The following MUSK variants were observed in gnomAD, a reference collection of about 807,000 sequenced individuals.
The protein encoded by MUSK is muscle associated receptor tyrosine kinase.
In MUSK, 55 loss-of-function variants were observed where a neutral mutation model predicts 88.7. The observed-to-expected ratio is 0.62, with a 90% confidence interval of 0.50 to 0.78. MUSK has a LOEUF of 0.78. MUSK is among the 30% of genes least tolerant of loss of function. The pLI is 0.00. For synonymous variants in MUSK, 387 were observed against 391.9 expected (o/e 0.99, Z 0.15); for missense variants, 1,015 against 1,074.3 (o/e 0.94, Z 0.77).
At chr9:110,788,612 AC>A in intron 14 of MUSK, among the ~76,000 whole-genome samples, 1 of 151,782 alleles carries the variant, frequency 6.6e-6, no homozygotes, top group South Asian at 2.1e-4. Flanking sequence ...AGCCTGGGTG[AC>A]AGAGTGAGAT....
Position 110,801,383 on chromosome 9 carries a change from T to C in MUSK, c.*395T>C, listed in dbSNP as rs138880303. ...TTCATTTTTTAATTGAGTTAATTCC[T>C]GTCCATTGTGAAAGTAGCTTAATCG... On this transcript the variant is annotated 3_prime_UTR_variant, in exon 15 of 15. Transcript: ENST00000374448. The C allele has an allele frequency of 1.4e-3, 219 of 158,654 alleles. No homozygotes were observed. Among genetic ancestry groups the C allele is most frequent in the African/African-American group, 5.0e-3 (210 of 41,856 alleles). 9.8% of individuals were successfully genotyped at this position (158,654 alleles called of 1,614,324 possible).
At position 110,787,820 on chromosome 9, in the gene MUSK, A is replaced by G; in HGVS notation, c.1909A>G (p.Asn637Asp). Reference protein sequence around the residue: ...AALMAEFDNPNIVKLLGVCAV... With the variant: ...AALMAEFDNPDIVKLLGVCAV... ...CCTCATGGCAGAATTTGACAACCCTAACATTGTGAAGCTATTAGGTATGAA... is the reference window on the plus strand; with the variant it reads ...CCTCATGGCAGAATTTGACAACCCTGACATTGTGAAGCTATTAGGTATGAA... Residue 637 changes from asparagine to aspartate, a missense_variant, in exon 14 of 15, where the codon AAC (asparagine) becomes GAC (aspartate). Coordinates refer to ENST00000374448, the MANE Select transcript of MUSK (RefSeq NM_005592.4). 6.2e-7 allele frequency: 1 copy of G among 1,612,620 alleles called. No homozygotes were observed.
At chr9:110,728,051 A>T (rs183517260) in intron 5 of MUSK, among the ~76,000 whole-genome samples, 1 of 152,074 alleles carries the variant, frequency 6.6e-6, no homozygotes, top group Admixed American at 6.6e-5. Flanking sequence ...TTTCTATTCA[A>T]TCTAAACATT....
chr9:110,677,496 A>C (rs1401732566), intron 1 of MUSK, among the ~76,000 whole-genome samples: 5 of 152,146 alleles, frequency 3.3e-5, no homozygotes, highest in Admixed American at 3.3e-4. Context: ...CTTTGCTTAC[A>C]ACTCTGATTT....
chr9:110,680,793 A>G (rs2131643362), intron 1 of MUSK, among the ~76,000 whole-genome samples: 1 of 148,800 alleles, frequency 6.7e-6, no homozygotes, highest in South Asian at 2.1e-4. Context: ...ATCTCTTTAT[A>G]TATTGCTTCT....
At chr9:110,678,959 G>A (rs2076068145) in intron 1 of MUSK, among the ~76,000 whole-genome samples, 1 of 151,836 alleles carries the variant, frequency 6.6e-6, no homozygotes, top group African/African-American at 2.4e-5. Context: ...AGAAAATATA[G>A]ACTATATAAA....
At chr9:110,675,319 T>C (rs2076011253) in intron 1 of MUSK, among the ~76,000 whole-genome samples, 1 of 149,464 alleles carries the variant, frequency 6.7e-6, no homozygotes, top group African/African-American at 2.5e-5. Context: ...CCTCCCTGGT[T>C]CACGCCATTC....
intron 7 of MUSK, among the ~76,000 whole-genome samples, chr9:110,755,982 A>ACG (rs1223860044): frequency 9.2e-6 from 1 of 108,920 alleles, no homozygotes; most frequent in African/African-American, 3.8e-5. Flanking sequence ...ATATATACAT[A>ACG]TATATATATA....
intron 5 of MUSK, among the ~76,000 whole-genome samples, chr9:110,732,518 G>A (rs1419495059): frequency 1.3e-5 from 2 of 151,976 alleles, no homozygotes; most frequent in African/African-American, 4.8e-5. Context: ...AATCTATAAT[G>A]GATCACTCTT....
chr9:110,764,871 ATCT>A (rs1564276423), intron 8 of MUSK, among the ~76,000 whole-genome samples: 1 of 152,064 alleles, frequency 6.6e-6, no homozygotes, highest in Non-Finnish European at 1.5e-5. Flanking sequence ...TAAAACTAAG[ATCT>A]TCTCATTTCT....
Position 110,801,020 on chromosome 9 carries a change from T to C in MUSK, c.*32T>C. ...AGACGTTCAAATAAAATGCTGCAGT[T>C]TCCTCTCAGACTCTGTGAGCCAGGG... On this transcript the variant is annotated 3_prime_UTR_variant, in exon 15 of 15. Transcript: ENST00000374448. 1 of 1,440,614 alleles carries C rather than the reference T, an allele frequency of 6.9e-7. No homozygotes were observed. Among genetic ancestry groups the C allele is most frequent in the East Asian group, 2.3e-5 (1 of 43,202 alleles). The allele number at this position is 1,440,614 out of a possible 1,614,324, so 89.2% of individuals were successfully genotyped here. A position where few individuals can be genotyped will look rare whatever the true frequency, so the allele number is the denominator to read the frequency against.
At chr9:110,773,664 T>A (rs1356540980) in intron 9 of MUSK, among the ~76,000 whole-genome samples, 1 of 152,116 alleles carries the variant, frequency 6.6e-6, no homozygotes, top group African/African-American at 2.4e-5. Context: ...AATTCTGTCA[T>A]TGTACATATG....
chr9:110,747,415 A>G (rs533973067), intron 6 of MUSK, among the ~76,000 whole-genome samples: 1 of 152,354 alleles, frequency 6.6e-6, no homozygotes, highest in African/African-American at 2.4e-5. Context: ...ACACATCACA[A>G]GGCTAATCTA....
intron 3 of MUSK, among the ~76,000 whole-genome samples, chr9:110,687,864 G>A (rs1176419278): frequency 6.6e-6 from 1 of 151,938 alleles, no homozygotes; most frequent in Admixed American, 6.6e-5. Context: ...CTTTCACCAG[G>A]AAAACTTCCT....
In MUSK at chr9:110,682,613, A is replaced by G. The variant is rs930310275; in HGVS notation, c.80-61A>G. 3 of 1,573,644 alleles carry G rather than the reference A, an allele frequency of 1.9e-6. No individual in the cohort carries two copies. The South Asian group carries it at 3.5e-5, about 19-fold the overall frequency. On this transcript the variant is annotated intron_variant, in intron 1 of 14. Coordinates refer to ENST00000374448, the MANE Select transcript of MUSK (RefSeq NM_005592.4). ...GGTATGTAATGGCTTCTGACTGCTT[A>G]AGGAAGGGTTAGTAAACAAAATTCT...
In MUSK at chr9:110,765,309, C is replaced by T. The variant is rs2077463802; in HGVS notation, c.921-2511C>T. On this transcript the variant is annotated intron_variant, in intron 8 of 14. Coordinates refer to ENST00000374448, the MANE Select transcript of MUSK (RefSeq NM_005592.4). ...GAGTCACACATGCTCTTATTCATCC[C>T]CCTTTATGCCGAGATATTACGTCAA... Among the ~76,000 whole-genome samples the T allele has an allele frequency of 2.6e-5, 4 of 152,074 alleles. No individual in the cohort carries two copies. The South Asian group carries it at 8.3e-4, about 32-fold the overall frequency.
intron 6 of MUSK, among the ~76,000 whole-genome samples, chr9:110,736,776 T>C (rs933460918): frequency 6.6e-6 from 1 of 152,076 alleles, no homozygotes; most frequent in African/African-American, 2.4e-5. Flanking sequence ...GGTATTTTCC[T>C]CCAAAGAGAA....
chr9:110,756,789 A>G (rs2077330698), intron 7 of MUSK, among the ~76,000 whole-genome samples: 2 of 152,120 alleles, frequency 1.3e-5, no homozygotes, highest in South Asian at 4.1e-4. Context: ...AATTGCAACA[A>G]AGGTTGGGGT....
intron 5 of MUSK, 82 bp from the exon 6 acceptor site, chr9:110,734,169 T>C (rs2076999363): frequency 1.4e-6 from 2 of 1,450,316 alleles, no homozygotes; most frequent in South Asian, 2.6e-5. Context: ...GGGAACATGG[T>C]CTAATTTGCA....
Sources: allele counts gnomAD v4.1 joint callset (sites outside exome capture counted in the v4.1 genomes callset), GRCh38; gene constraint gnomAD v4.1.1; transcripts MANE v1.5; gene names NCBI Gene and HGNC (gene_info 2026-07-23, HGNC 2026-07-21).